Variants in SMYD3 observed in about 807,000 individuals in gnomAD.
The protein encoded by SMYD3 is histone-lysine N-methyltransferase SMYD3.
In SMYD3, 36 loss-of-function variants were observed where a neutral mutation model predicts 57.7. That is an observed-to-expected ratio of 0.62 (90% CI 0.48 to 0.82). The LOEUF (loss-of-function observed/expected upper bound fraction) is 0.82, where lower values mean the gene tolerates loss of function less well. SMYD3 is among the 40% of genes least tolerant of loss of function. The pLI, the probability that SMYD3 is intolerant of heterozygous loss-of-function variation, is 0.00. For synonymous variants in SMYD3, 211 were observed against 195.0 expected, an observed-to-expected ratio of 1.08 and a Z score of -0.68; for missense variants, 515 against 538.8, an observed-to-expected ratio of 0.96 and a Z score of 0.44.
intron 5 of SMYD3, among the ~76,000 whole-genome samples, chr1:246,200,217 G>A (rs370533908): frequency 0.014 from 53 of 3,682 alleles, 3 homozygotes; most frequent in South Asian, 0.038. Flanking sequence ...CAGTGTAGAC[G>A]CTGAGCAAGA....
chr1:246,249,004 A>AT, intron 5 of SMYD3, among the ~76,000 whole-genome samples: 1 of 151,508 alleles, frequency 6.6e-6, no homozygotes, highest in East Asian at 2.0e-4. Context: ...TGAGGGTCAA[A>AT]TAAGATCAAG....
intron 5 of SMYD3, among the ~76,000 whole-genome samples, chr1:246,000,205 T>C (rs187418136): frequency 8.3e-4 from 126 of 152,322 alleles, no homozygotes; most frequent in African/African-American, 2.7e-3. Flanking sequence ...TAGACAAATC[T>C]ACACAGCTAC....
Position 246,355,876 on chromosome 1 carries a change from A to T in SMYD3, c.165-782T>A, listed in dbSNP as rs1266762171. Among the ~76,000 whole-genome samples the T allele has an allele frequency of 6.6e-6, 1 of 152,120 alleles. No individual in the cohort carries two copies. Among genetic ancestry groups the T allele is most frequent in the Non-Finnish European group, 1.5e-5 (1 of 68,014 alleles). On this transcript the variant is annotated intron_variant, in intron 1 of 11. Transcript: ENST00000490107. The surrounding 1 kb of genome is among the most constrained non-coding windows in gnomAD (Gnocchi z 5.0). ...TCTACCAGCCCTGGGTGCCAAAGACAAAGGCCATAATCTCTTGGGAGCTCT... is the reference window on the plus strand; with the variant it reads ...TCTACCAGCCCTGGGTGCCAAAGACTAAGGCCATAATCTCTTGGGAGCTCT...
intron 5 of SMYD3, among the ~76,000 whole-genome samples, chr1:246,231,668 T>G (rs10924581): frequency 0.21 from 31,581 of 152,102 alleles, 3,997 homozygotes; most frequent in East Asian, 0.58. Flanking sequence ...ATTTCAAAAC[T>G]GCTTTAACTC....
At chr1:246,064,900 T>C (rs1033494295) in intron 5 of SMYD3, among the ~76,000 whole-genome samples, 2 of 152,250 alleles carry the variant, frequency 1.3e-5, no homozygotes, top group African/African-American at 2.4e-5. Context: ...CCTGTGACCG[T>C]GTAGGTCTGC....
chr1:246,077,182 A>G lies in SMYD3; in HGVS notation c.532-147245T>C, dbSNP rs557185382. 4.6e-5 allele frequency among the ~76,000 whole-genome samples: 7 copies of G among 152,348 alleles called. No individual in the cohort carries two copies. The East Asian group carries it at 9.6e-4, about 21-fold the overall frequency. On this transcript the variant is annotated intron_variant, in intron 5 of 11. Coordinates refer to ENST00000490107, the MANE Select transcript of SMYD3 (RefSeq NM_001167740.2). ...CATGTCTAATTATGGTGGCTCTTGA[A>G]GCCAAGCTAAAGGTCTTGAGCCTCA...
At chr1:246,427,530 A>T (rs562727208) in intron 1 of SMYD3, among the ~76,000 whole-genome samples, 6,044 of 151,016 alleles carry the variant, frequency 0.04, 422 homozygotes, top group African/African-American at 0.14. Flanking sequence ...AAAAAAAAAA[A>T]AAATAAAAAA....
intron 5 of SMYD3, among the ~76,000 whole-genome samples, chr1:246,156,944 A>G (rs1168193330): frequency 1.3e-5 from 2 of 152,192 alleles, no homozygotes; most frequent in African/African-American, 4.8e-5. Context: ...TCTGGTTTGG[A>G]TAAACAATCC....
intron 1 of SMYD3, among the ~76,000 whole-genome samples, chr1:246,386,697 T>A (rs548729883): frequency 6.6e-6 from 1 of 151,978 alleles, no homozygotes; most frequent in East Asian, 1.9e-4. Flanking sequence ...ATATAAGAAC[T>A]GAGACTGACC....
intron 4 of SMYD3, among the ~76,000 whole-genome samples, 167 bp downstream of exon 4, chr1:246,330,313 G>C (rs2065438193): frequency 6.6e-6 from 1 of 152,164 alleles, no homozygotes; most frequent in African/African-American, 2.4e-5. Flanking sequence ...AGCTACCCTG[G>C]AATAAGTGAA....
At chr1:245,772,417 A>T (rs1379026325) in intron 10 of SMYD3, among the ~76,000 whole-genome samples, 1 of 152,220 alleles carries the variant, frequency 6.6e-6, no homozygotes, top group Non-Finnish European at 1.5e-5. Context: ...TGGGAGGCCA[A>T]GGAGAGAAGA....
intron 5 of SMYD3, among the ~76,000 whole-genome samples, chr1:246,277,847 G>T (rs560656752): frequency 4.4e-4 from 67 of 152,278 alleles, no homozygotes; most frequent in Non-Finnish European, 6.9e-4. Flanking sequence ...AAGCAGATCA[G>T]TGGTTGCTGC....
chr1:246,126,512 T>A (rs980778014), intron 5 of SMYD3, among the ~76,000 whole-genome samples: 7 of 152,382 alleles, frequency 4.6e-5, no homozygotes, highest in African/African-American at 1.7e-4. Flanking sequence ...GAATTATACT[T>A]TGTTTTGTTT....
At chr1:246,083,686 C>T (rs1392103276) in intron 5 of SMYD3, among the ~76,000 whole-genome samples, 1 of 152,160 alleles carries the variant, frequency 6.6e-6, no homozygotes, top group Non-Finnish European at 1.5e-5. Context: ...ACTACAGTTC[C>T]CTTCACACAG....
chr1:246,465,493 C>A (rs2067868237), intron 1 of SMYD3, among the ~76,000 whole-genome samples: 1 of 152,110 alleles, frequency 6.6e-6, no homozygotes, highest in South Asian at 2.1e-4. Flanking sequence ...TGGTAATTAA[C>A]ATAAATTAAT....
At chr1:246,171,746 C>T (rs1306483398) in intron 5 of SMYD3, among the ~76,000 whole-genome samples, 1 of 152,226 alleles carries the variant, frequency 6.6e-6, no homozygotes, top group Admixed American at 6.5e-5. Flanking sequence ...CATGGTGGCT[C>T]ATGCCTATGA....
At chr1:246,382,161 T>G (rs1336937995) in intron 1 of SMYD3, among the ~76,000 whole-genome samples, 1 of 150,684 alleles carries the variant, frequency 6.6e-6, no homozygotes, top group Non-Finnish European at 1.5e-5. Flanking sequence ...GGCCAGTTCC[T>G]ATAGCCCCAA....
intron 1 of SMYD3, among the ~76,000 whole-genome samples, chr1:246,387,025 G>A (rs898917064): frequency 6.6e-6 from 1 of 152,014 alleles, no homozygotes; most frequent in African/African-American, 2.4e-5. Flanking sequence ...CATGAAAAAC[G>A]CACAAGAAAA....
intron 1 of SMYD3, among the ~76,000 whole-genome samples, chr1:246,452,449 T>A (rs932113469): frequency 6.6e-6 from 1 of 152,044 alleles, no homozygotes; most frequent in Non-Finnish European, 1.5e-5. Context: ...GAAGTTGCAG[T>A]GGACAGAGTT....
Sources: gnomAD v4.1 joint callset for allele counts (sites outside exome capture counted in the v4.1 genomes callset) on GRCh38, gnomAD v4.1.1 for gene constraint, Gnocchi (gnomAD v3.1) non-coding constraint, MANE v1.5 for transcripts, NCBI Gene and HGNC (gene_info 2026-07-23, HGNC 2026-07-21) for gene names.